The following UNC79 variants were observed in gnomAD, a reference collection of about 807,000 sequenced individuals.
UNC79 encodes the protein unc-79 subunit of NALCN channel complex.
In UNC79, 37 loss-of-function variants were observed where a neutral mutation model predicts 283.1. The ratio of observed to expected loss-of-function variants is 0.13; its 90% confidence interval spans 0.10 to 0.17. UNC79 has a LOEUF of 0.17. Among genes scored for constraint, UNC79 ranks in the 10% least tolerant of loss-of-function variants. The pLI is 1.00. For missense variants in UNC79, 2,272 were observed against 3,211.1 expected (o/e 0.71, Z 7.07); for synonymous variants, 1,107 against 1,200.2 (o/e 0.92, Z 1.61).
chr14:93,359,241 T>C (rs1400713633), intron 1 of UNC79, among the ~76,000 whole-genome samples: 1 of 152,182 alleles, frequency 6.6e-6, no homozygotes, highest in African/African-American at 2.4e-5. Context: ...TGGTCTGATG[T>C]AGAGGAAGGG....
chr14:93,703,311 G>A (rs1258198744), intron 47 of UNC79, among the ~76,000 whole-genome samples: 1 of 152,196 alleles, frequency 6.6e-6, no homozygotes, highest in Non-Finnish European at 1.5e-5. Context: ...AGACCAGAAG[G>A]CTGAGATCAA....
In UNC79 at chr14:93,397,760, C is replaced by CTTTT. The variant is rs2055026829; in HGVS notation, c.-351+64237_-351+64238insTTTT. Among the ~76,000 whole-genome samples, 4 of 99,674 alleles carry CTTTT rather than the reference C, an allele frequency of 4.0e-5. No homozygotes were observed. The South Asian group carries it at 1.0e-3, about 26-fold the overall frequency. The allele number at this position is 99,674 out of a possible 152,430, so 65.4% of individuals were successfully genotyped here. On this transcript the variant is annotated intron_variant, in intron 1 of 49. Transcript: ENST00000256339. ...TCATCCTTAGAACAATGGTTGGAGT[C>CTTTT]ATTTTTTTTTTTTTTTGGCCAGGTA...
chr14:93,693,898 A>G (rs2074895430), intron 46 of UNC79, among the ~76,000 whole-genome samples: 1 of 152,212 alleles, frequency 6.6e-6, no homozygotes, highest in African/African-American at 2.4e-5. Flanking sequence ...ATTTTAAATC[A>G]TTATATGGTG....
rs537430599 is a variant in UNC79 at position 93,621,145 on chromosome 14, G to A, written c.4388-476G>A. On this transcript the variant is annotated intron_variant, in intron 29 of 48. Transcript: ENST00000555664. The surrounding 1 kb of genome is among the most constrained non-coding windows in gnomAD (Gnocchi z 4.8). ...TTATGTTACTACACATTTTAATACC[G>A]TTGATTTATATATATGTATGCACAA... 747 of 383,394 alleles carry A rather than the reference G, an allele frequency of 1.9e-3. 7 individuals are homozygous for A. Among genetic ancestry groups the A allele is most frequent in the South Asian group, 0.015 (707 of 48,408 alleles). 23.7% of individuals were successfully genotyped at this position (383,394 alleles called of 1,614,324 possible). A position where few individuals can be genotyped will look rare whatever the true frequency, so the allele number is the denominator to read the frequency against.
chr14:93,558,352 C>T (rs943649036), intron 14 of UNC79, among the ~76,000 whole-genome samples: 1 of 152,022 alleles, frequency 6.6e-6, no homozygotes, highest in Non-Finnish European at 1.5e-5. Flanking sequence ...GTCAGGAGAT[C>T]GAGACCATCC....
At chr14:93,533,142 A>G (rs1460525767) in intron 11 of UNC79, among the ~76,000 whole-genome samples, 1 of 152,132 alleles carries the variant, frequency 6.6e-6, no homozygotes, top group African/African-American at 2.4e-5. Context: ...GAAAAGAGTA[A>G]GAGGAGGCAG....
At chr14:93,357,778 GAT>G (rs1397519466) in intron 1 of UNC79, among the ~76,000 whole-genome samples, 1 of 108,016 alleles carries the variant, frequency 9.3e-6, no homozygotes, top group African/African-American at 3.2e-5. Flanking sequence ...TGGATATGTG[GAT>G]ATATGGATAT....
chr14:93,522,620 C>T (rs2060373382), intron 7 of UNC79, among the ~76,000 whole-genome samples: 1 of 152,126 alleles, frequency 6.6e-6, no homozygotes, highest in Admixed American at 6.6e-5. Context: ...AAACTAATCT[C>T]ATAGTTATGA....
chr14:93,622,188 T>C, exon 30 of UNC79: 1 of 1,614,122 alleles, frequency 6.2e-7, no homozygotes, highest in Non-Finnish European at 8.5e-7. Flanking sequence ...GAGGAGACGA[T>C]GAACCAAGGC....
At chr14:93,633,430 T>C (rs1316157743) in intron 31 of UNC79, among the ~76,000 whole-genome samples, 1 of 152,212 alleles carries the variant, frequency 6.6e-6, no homozygotes, top group Non-Finnish European at 1.5e-5. Context: ...GCCACCTTGG[T>C]GCCATGATTG....
chr14:93,553,541 T>C (rs1477809653), intron 14 of UNC79, among the ~76,000 whole-genome samples: 1 of 152,154 alleles, frequency 6.6e-6, no homozygotes, highest in Non-Finnish European at 1.5e-5. Context: ...AACAAGACAA[T>C]TGTCTGTGGA....
At chr14:93,598,362 T>C (rs888921158) in intron 24 of UNC79, among the ~76,000 whole-genome samples, 1 of 132,418 alleles carries the variant, frequency 7.6e-6, no homozygotes, top group Non-Finnish European at 1.6e-5. Flanking sequence ...AATTATTGCA[T>C]AACGTGTGTG....
chr14:93,367,152 C>A (rs531389362), intron 1 of UNC79, among the ~76,000 whole-genome samples: 27 of 151,758 alleles, frequency 1.8e-4, no homozygotes, highest in Non-Finnish European at 2.9e-4. Flanking sequence ...TTCATTCCTG[C>A]AAAACAAATC....
chr14:93,457,775 A>G (rs1328914142), intron 1 of UNC79, among the ~76,000 whole-genome samples: 1 of 152,252 alleles, frequency 6.6e-6, no homozygotes, highest in Non-Finnish European at 1.5e-5. Flanking sequence ...CAATTAATCT[A>G]GGGAAAAGAT....
intron 7 of UNC79, among the ~76,000 whole-genome samples, chr14:93,522,516 T>G (rs1245785906): frequency 6.6e-6 from 1 of 152,138 alleles, no homozygotes; most frequent in Non-Finnish European, 1.5e-5. Flanking sequence ...ATTCATGTAC[T>G]GGTTAAAGGC....
At chr14:93,518,113 C>A (rs568922114) in intron 7 of UNC79, among the ~76,000 whole-genome samples, 320 of 152,108 alleles carry the variant, frequency 2.1e-3, no homozygotes, top group African/African-American at 3.9e-3. Flanking sequence ...ATACTGACCT[C>A]ATAAAATGAG....
chr14:93,572,311 G>A (rs532887136), intron 15 of UNC79, among the ~76,000 whole-genome samples: 9 of 152,318 alleles, frequency 5.9e-5, no homozygotes, highest in African/African-American at 2.2e-4. Context: ...ATAGTAAATA[G>A]ATAAAAACAG....
intron 1 of UNC79, among the ~76,000 whole-genome samples, chr14:93,387,046 G>T (rs997689760): frequency 1.5e-5 from 2 of 136,588 alleles, no homozygotes; most frequent in Admixed American, 1.7e-4. Flanking sequence ...AGGTACAATC[G>T]ATTCTCCTGT....
chr14:93,472,830 A>G (rs1044099581), intron 2 of UNC79, among the ~76,000 whole-genome samples: 6 of 152,124 alleles, frequency 3.9e-5, no homozygotes, highest in African/African-American at 1.2e-4. Flanking sequence ...TATGTAATGA[A>G]CCATTTATAA....
Sources: gnomAD v4.1 joint callset for allele counts (sites outside exome capture counted in the v4.1 genomes callset) on GRCh38, gnomAD v4.1.1 for gene constraint, Gnocchi (gnomAD v3.1) non-coding constraint, MANE v1.5 for transcripts, NCBI Gene and HGNC (gene_info 2026-07-23, HGNC 2026-07-21) for gene names.